The following PPM1B variants were observed in gnomAD, a reference collection of about 807,000 sequenced individuals.
PPM1B encodes protein phosphatase 1B.
A neutral mutation model predicts 43.0 loss-of-function variants in PPM1B; 22 were observed. That is an observed-to-expected ratio of 0.51 (90% CI 0.37 to 0.73). The LOEUF is 0.73. Ranked by LOEUF, PPM1B falls within the 30% of genes least tolerant of loss-of-function variation. The probability of loss-of-function intolerance (pLI) is 0.00; values close to 1 mark genes in which losing one functional copy is unlikely to be tolerated. For synonymous variants in PPM1B, 217 were observed against 197.9 expected (o/e 1.10, Z -0.81); for missense variants, 632 against 584.2 (o/e 1.08, Z -0.84).
intron 1 of PPM1B, among the ~76,000 whole-genome samples, chr2:44,190,369 G>A (rs1310911491): frequency 6.6e-6 from 1 of 152,100 alleles, no homozygotes; most frequent in Admixed American, 6.6e-5. Flanking sequence ...ATGTTGGCCA[G>A]GCTGGTCTCA....
intron 5 of PPM1B, chr2:44,218,799 T>C (rs774981062): frequency 1.3e-4 from 61 of 452,848 alleles, no homozygotes; most frequent in Non-Finnish European, 2.4e-4. Flanking sequence ...TTATTTCTTC[T>C]CTATATGTCT....
downstream of PPM1B, among the ~76,000 whole-genome samples, chr2:44,244,687 G>T (rs1483161322): frequency 1.3e-5 from 2 of 151,224 alleles, no homozygotes; most frequent in Non-Finnish European, 2.9e-5. Flanking sequence ...GAGGTGGTGT[G>T]CATAGTTAAT....
In PPM1B at chr2:44,205,681, T is replaced by C. The variant is rs531358097; in HGVS notation, c.847-3529T>C. Among the ~76,000 whole-genome samples, 39 of 152,278 alleles carry C rather than the reference T, an allele frequency of 2.6e-4. No individual in the cohort carries two copies. The South Asian group carries it at 8.1e-3, about 32-fold the overall frequency. On this transcript the variant is annotated intron_variant, in intron 2 of 5. Coordinates refer to ENST00000282412, the MANE Select transcript of PPM1B (RefSeq NM_002706.6). ...TTTGTTACTTTGTCACCTGTTTTGT[T>C]TTTCTTAAATTATAAAAGTCGGTAT...
intron 1 of PPM1B, among the ~76,000 whole-genome samples, chr2:44,190,794 A>G (rs950895020): frequency 2.0e-5 from 3 of 152,330 alleles, no homozygotes; most frequent in African/African-American, 7.2e-5. Flanking sequence ...TTTGTTGACT[A>G]AGTTTTACTG....
chr2:44,240,888 T>C lies in PPM1B; in HGVS notation n.1547-3340T>C, dbSNP rs1412561491. 2.0e-5 allele frequency among the ~76,000 whole-genome samples: 3 copies of C among 146,420 alleles called. 1 individual carries two copies. The highest frequency in any genetic ancestry group is 4.6e-5 in the Non-Finnish European group (3 of 65,576). On this transcript the variant is annotated intron_variant and non_coding_transcript_variant, in intron 5 of 5. Transcript: ENST00000378540. ...GCTGTCTCTTAATACTTTGAAAACA[T>C]GATGCTGAGAGAAAGCAAGTTATAA...
At chr2:44,224,363 G>C (rs112689657) in intron 5 of PPM1B, among the ~76,000 whole-genome samples, 1 of 151,426 alleles carries the variant, frequency 6.6e-6, no homozygotes. Flanking sequence ...GCTGAGGCAG[G>C]AGAATGGCGT....
chr2:44,184,018 G>A (rs749536026), intron 1 of PPM1B, among the ~76,000 whole-genome samples: 1 of 152,184 alleles, frequency 6.6e-6, no homozygotes, highest in Non-Finnish European at 1.5e-5. Flanking sequence ...GATTACAGGC[G>A]TGAGCCACTG....
intron 1 of PPM1B, among the ~76,000 whole-genome samples, chr2:44,179,336 T>C (rs1667745497): frequency 1.3e-5 from 2 of 152,234 alleles, no homozygotes; most frequent in South Asian, 4.1e-4. Context: ...AAATTAAATA[T>C]TTAAAATCCA....
downstream of PPM1B, chr2:44,232,637 A>G (rs1474135422): frequency 4.1e-6 from 5 of 1,223,218 alleles, no homozygotes; most frequent in East Asian, 1.2e-4. Context: ...CCACAAATCA[A>G]CAATGTGCCT....
intron 3 of PPM1B, chr2:44,209,567 G>T: frequency 2.7e-6 from 1 of 372,486 alleles, no homozygotes; most frequent in East Asian, 5.1e-5. Context: ...AGATCATGAG[G>T]TCAGATCGAC....
At chr2:44,210,577 T>A (rs1182431204) in intron 3 of PPM1B, among the ~76,000 whole-genome samples, 1 of 152,132 alleles carries the variant, frequency 6.6e-6, no homozygotes. Context: ...CCCATGTACA[T>A]GTAGTGTCCT....
At chr2:44,194,680 G>A (rs898832901) in intron 1 of PPM1B, among the ~76,000 whole-genome samples, 6 of 151,516 alleles carry the variant, frequency 4.0e-5, no homozygotes, top group Non-Finnish European at 7.4e-5. Context: ...CCGAGATCGC[G>A]CTACTGCACT....
intron 1 of PPM1B, among the ~76,000 whole-genome samples, chr2:44,177,647 T>A (rs1364545937): frequency 6.6e-6 from 1 of 151,946 alleles, no homozygotes; most frequent in African/African-American, 2.4e-5. Context: ...CTCGAACTCC[T>A]GACCTCAAGA....
Position 44,210,210 on chromosome 2 carries a change from A to G in PPM1B, c.964+883A>G, listed in dbSNP as rs1302076797. Reference sequence around the variant, plus strand: ...CATATTTTTTTAAACTTCATTTGGCAATAAATTTTTTTTTTTTTTTTTTTG... The same window carrying G: ...CATATTTTTTTAAACTTCATTTGGCGATAAATTTTTTTTTTTTTTTTTTTG... On this transcript the variant is annotated intron_variant, in intron 3 of 5. Coordinates refer to ENST00000282412, the MANE Select transcript of PPM1B (RefSeq NM_002706.6). Among the ~76,000 whole-genome samples the G allele has an allele frequency of 6.8e-5, 10 of 147,998 alleles. No homozygotes were observed. In the South Asian group the frequency reaches 1.9e-3, roughly 28 times the overall value.
chr2:44,241,460 G>A (rs1016625997), intron 5 of PPM1B, among the ~76,000 whole-genome samples: 5 of 143,924 alleles, frequency 3.5e-5, no homozygotes, highest in Admixed American at 3.5e-4. Context: ...GGCCAGGCTC[G>A]GTGGCTCACA....
intron 5 of PPM1B, chr2:44,229,986 T>TG (rs1670397639): frequency 1.9e-6 from 3 of 1,577,462 alleles, no homozygotes; most frequent in Admixed American, 3.6e-5. Context: ...ATTTCCTACT[T>TG]ATTTAGCAGA....
At chr2:44,237,778 C>G (rs1395640385), downstream of PPM1B, among the ~76,000 whole-genome samples, 1 of 152,156 alleles carries the variant, frequency 6.6e-6, no homozygotes, top group African/African-American at 2.4e-5. Context: ...AGGAGTTACC[C>G]TAATGGTGGG....
intron 3 of PPM1B, among the ~76,000 whole-genome samples, chr2:44,214,172 C>T (rs545201864): frequency 3.9e-5 from 6 of 152,248 alleles, no homozygotes; most frequent in South Asian, 2.1e-4. Context: ...CTTAGCTGCC[C>T]GGGTTCACAC....
At chr2:44,238,852 A>C (rs1262752312), downstream of PPM1B, among the ~76,000 whole-genome samples, 1 of 152,186 alleles carries the variant, frequency 6.6e-6, no homozygotes. Context: ...CCAAGAGTTA[A>C]TTAAATCCAA....
Sources: gnomAD v4.1 joint callset for allele counts (sites outside exome capture counted in the v4.1 genomes callset) on GRCh38, gnomAD v4.1.1 for gene constraint, MANE v1.5 for transcripts, NCBI Gene and HGNC (gene_info 2026-07-23, HGNC 2026-07-21) for gene names.